HNRNPM: variants seen among roughly 807,000 people sequenced by gnomAD.
HNRNPM encodes heterogeneous nuclear ribonucleoprotein M.
HNRNPM carries 11 observed loss-of-function variants against 73.1 expected under a neutral mutation model. The observed-to-expected ratio is 0.15, with a 90% CI of 0.09 to 0.25. The LOEUF (loss-of-function observed/expected upper bound fraction) is 0.25, where lower values mean the gene tolerates loss of function less well. Ranked by LOEUF, HNRNPM falls within the 10% of genes least tolerant of loss-of-function variation. HNRNPM has a pLI of 1.00. For missense variants in HNRNPM, 789 were observed against 1,067.9 expected (o/e 0.74, Z 3.64); for synonymous variants, 407 against 355.2 (o/e 1.15, Z -1.64).
chr19:8,485,652 T>C lies in HNRNPM; in HGVS notation c.1224T>C (p.Ile408=). The change falls in exon 14 of 16, where the codon ATT becomes ATC. Residue 408 remains isoleucine (I), a synonymous_variant. Coordinates refer to ENST00000325495, the MANE Select transcript of HNRNPM (RefSeq NM_005968.5). ...VPGIERMGPG[I]DRLGGAGMER... is the part of the protein sequence containing the mutation. ...GGATCGAGAGGATGGGTCCTGGCAT[T>C]GACCGCCTCGGGGGTGCCGGCATGG... 6.2e-7 allele frequency: 1 copy of C among 1,607,550 alleles called. No individual in the cohort carries two copies. Among genetic ancestry groups the C allele is most frequent in the Non-Finnish European group, 8.5e-7 (1 of 1,179,134 alleles).
At chr19:8,472,514 G>A (rs1244950575) in intron 10 of HNRNPM, among the ~76,000 whole-genome samples, 1 of 152,176 alleles carries the variant, frequency 6.6e-6, no homozygotes, top group Non-Finnish European at 1.5e-5. Context: ...CAGAAAGACT[G>A]GGGGTTGGGG....
chr19:8,474,261 C>T lies in HNRNPM; in HGVS notation c.1120+17C>T. On this transcript the variant is annotated intron_variant, in intron 12 of 15. Coordinates refer to ENST00000325495, the MANE Select transcript of HNRNPM (RefSeq NM_005968.5). ...GGATAAATGGTAAGCATCGTGTTTT[C>T]TTCCTGCTTTCACTCACCCTTTGCC... 1 of 1,556,414 alleles carries T rather than the reference C, an allele frequency of 6.4e-7. No individual in the cohort carries two copies. Among genetic ancestry groups the T allele is most frequent in the Non-Finnish European group, 8.7e-7 (1 of 1,151,002 alleles).
Position 8,483,228 on chromosome 19 carries a change from T to G in HNRNPM, c.1174+17T>G. ...AGGGAGGAGGTAGGAACCGCTTAGT[T>G]TGATGTTTTGTTTTTTTAGAACAGG... is the stretch of plus-strand genomic sequence containing the variant. On this transcript the variant is annotated intron_variant, in intron 13 of 15. Coordinates refer to ENST00000325495, the MANE Select transcript of HNRNPM (RefSeq NM_005968.5). The G allele has an allele frequency of 6.2e-7, 1 of 1,600,506 alleles. No homozygotes were observed. The highest frequency in any genetic ancestry group is 8.6e-7 in the Non-Finnish European group (1 of 1,167,830).
In HNRNPM at chr19:8,486,164, T is replaced by G. The variant is rs746940770; in HGVS notation, c.1736T>G (p.Met579Arg). The G allele has an allele frequency of 1.2e-6, 2 of 1,605,524 alleles. No individual in the cohort carries two copies. Among genetic ancestry groups the G allele is most frequent in the Non-Finnish European group, 1.7e-6 (2 of 1,179,194 alleles). ...ATGGGCGCCAACAGCCTCGAGCGCA[T>G]GGGCCTGGAGCGCATGGGTGCCAAC... ...ERMGANSLER[M>R]GLERMGANSL... Residue 579 changes from methionine to arginine, a missense_variant, in exon 14 of 16, where the codon ATG (methionine) becomes AGG (arginine). Met to Arg is a moderately conservative substitution (Grantham distance 91). Transcript: ENST00000325495.
rs956859747 is a variant in HNRNPM, at chr19:8,474,362, A to T, written c.1120+118A>T. On this transcript the variant is annotated intron_variant, in intron 12 of 15. Coordinates refer to ENST00000325495, the MANE Select transcript of HNRNPM (RefSeq NM_005968.5). ...GTTTCTCACTTCTGCTTTTCAACCG[A>T]ATCAAATGTCTTTTGAATTGCCTTA... 1.3e-4 allele frequency: 77 copies of T among 601,910 alleles called. 1 individual carries two copies. The South Asian group carries it at 1.7e-3, about 14-fold the overall frequency. The allele number at this position is 601,910 out of a possible 1,614,324, so 37.3% of individuals were successfully genotyped here.
chr19:8,480,253 G>A (rs1417560669), intron 12 of HNRNPM, among the ~76,000 whole-genome samples: 4 of 142,194 alleles, frequency 2.8e-5, no homozygotes, highest in Admixed American at 7.1e-5. Flanking sequence ...GCGGGTGCCT[G>A]TAATCCCAGC....
intron 1 of HNRNPM, among the ~76,000 whole-genome samples, chr19:8,454,673 GC>G (rs58635160): frequency 0.043 from 4,461 of 103,012 alleles, 186 homozygotes; most frequent in African/African-American, 0.1. Flanking sequence ...ATCATTTTAT[GC>G]CCCCCCCCCC....
intron 12 of HNRNPM, among the ~76,000 whole-genome samples, chr19:8,479,078 C>CTTTTTTTTTTTT (rs74176651): frequency 3.1e-4 from 23 of 73,836 alleles, no homozygotes; most frequent in South Asian, 1.0e-3. Flanking sequence ...TTCTTTCTTT[C>CTTTTTTTTTTTT]TTTTTTTTTT....
chr19:8,453,497 C>T (rs529891851), intron 1 of HNRNPM, among the ~76,000 whole-genome samples: 4 of 152,272 alleles, frequency 2.6e-5, no homozygotes, highest in Admixed American at 2.0e-4. Context: ...GGTGTTTCTT[C>T]CACGGAAGAA....
At chr19:8,458,607 G>C (rs1307375456) in intron 2 of HNRNPM, among the ~76,000 whole-genome samples, 2 of 152,218 alleles carry the variant, frequency 1.3e-5, no homozygotes, top group South Asian at 2.1e-4. Context: ...CCCAGGTTGA[G>C]GAAGAAAGGA....
At chr19:8,461,221 A>G (rs944965803) in intron 2 of HNRNPM, among the ~76,000 whole-genome samples, 18 of 152,218 alleles carry the variant, frequency 1.2e-4, no homozygotes, top group South Asian at 2.1e-4. Context: ...CCTTCAACCA[A>G]TGTGCAGAGC....
intron 10 of HNRNPM, 91 bp from the exon 11 acceptor site, chr19:8,473,573 C>T: frequency 2.6e-6 from 2 of 781,862 alleles, no homozygotes; most frequent in South Asian, 1.6e-5. Context: ...CTTTTGAGTT[C>T]TTTTGCTGGT....
At chr19:8,451,524 TCCCTCC>T (rs1484248076) in intron 1 of HNRNPM, among the ~76,000 whole-genome samples, 1 of 136,028 alleles carries the variant, frequency 7.4e-6, no homozygotes, top group Non-Finnish European at 1.6e-5. Context: ...CTTGAATATG[TCCCTCC>T]CCTTCCCCTT....
rs1161362056 is a variant in HNRNPM at position 8,455,393 on chromosome 19, TC to T, written c.114-11del. 6.2e-7 allele frequency: 1 copy of T among 1,605,844 alleles called. No homozygotes were observed. The highest frequency in any genetic ancestry group is 8.5e-7 in the Non-Finnish European group (1 of 1,176,584). On this transcript the variant is annotated splice_polypyrimidine_tract_variant and intron_variant, in intron 1 of 15. Transcript: ENST00000325495. Reference sequence around the variant, plus strand: ...AAACCCTTTACCTTTTTTTCCTCTCTCTCGAATTCAGTGAAGGAGAACGACC... The same window carrying T: ...AAACCCTTTACCTTTTTTTCCTCTCTTCGAATTCAGTGAAGGAGAACGACC...
chr19:8,485,504 A>AC, intron 13 of HNRNPM, 99 bp from the exon 14 acceptor site: 3 of 1,191,374 alleles, frequency 2.5e-6, no homozygotes, highest in Non-Finnish European at 3.6e-6. Flanking sequence ...GTGGGCCTTT[A>AC]CCCCTGATCC....
At chr19:8,468,641 C>G (rs1189196715) in intron 8 of HNRNPM, 133 bp from the exon 9 acceptor site, 19 of 674,854 alleles carry the variant, frequency 2.8e-5, no homozygotes, top group Non-Finnish European at 5.1e-5. Context: ...CCTTTCTACC[C>G]TTGCGTATTA....
chr19:8,463,443 C>G (rs892187429), intron 3 of HNRNPM, 54 bp from the exon 4 acceptor site: 1 of 1,579,806 alleles, frequency 6.3e-7, no homozygotes, highest in Non-Finnish European at 8.7e-7. Context: ...CTATTTTTTT[C>G]TTTTCTTTTT....
chr19:8,473,594 G>A (rs913156590), intron 10 of HNRNPM, 70 bp from the exon 11 acceptor site: 1 of 921,910 alleles, frequency 1.1e-6, no homozygotes, highest in Middle Eastern at 2.2e-4. Flanking sequence ...TTGGAATTAT[G>A]CTTTTTAAGT....
At chr19:8,473,555 G>A in intron 10 of HNRNPM, 109 bp from the exon 11 acceptor site, 1 of 719,422 alleles carries the variant, frequency 1.4e-6, no homozygotes. Flanking sequence ...CTTGTCATCA[G>A]GGATTTTCTT....
Sources: allele counts gnomAD v4.1 joint callset (sites outside exome capture counted in the v4.1 genomes callset), GRCh38; gene constraint gnomAD v4.1.1; transcripts MANE v1.5; gene names NCBI Gene and HGNC (gene_info 2026-07-23, HGNC 2026-07-21).